The following MTUS2 variants were observed in gnomAD, a reference collection of about 807,000 sequenced individuals.
The protein encoded by MTUS2 is microtubule-associated tumor suppressor candidate 2.
In MTUS2, 40 loss-of-function variants were observed where a neutral mutation model predicts 114.1. The ratio of observed to expected loss-of-function variants is 0.35; its 90% confidence interval spans 0.27 to 0.46. The LOEUF is 0.46. Among genes scored for constraint, MTUS2 ranks in the 20% least tolerant of loss-of-function variants. MTUS2 has a pLI of 1.00. For synonymous variants in MTUS2, 688 were observed against 672.0 expected, an observed-to-expected ratio of 1.02 and a Z score of -0.37; for missense variants, 1,679 against 1,705.4, an observed-to-expected ratio of 0.98 and a Z score of 0.27.
At chr13:29,189,116 G>T (rs1894343055) in intron 5 of MTUS2, among the ~76,000 whole-genome samples, 1 of 152,164 alleles carries the variant, frequency 6.6e-6, no homozygotes, top group Non-Finnish European at 1.5e-5. Flanking sequence ...TCCTAGAATT[G>T]CCAGAGACCC....
intron 8 of MTUS2, among the ~76,000 whole-genome samples, chr13:29,427,721 T>C (rs1566194254): frequency 6.6e-6 from 1 of 152,214 alleles, no homozygotes; most frequent in Non-Finnish European, 1.5e-5. Context: ...TAAAATCATC[T>C]AGTTCTAACA....
In MTUS2 at chr13:28,885,353, A is replaced by G. The variant is rs926246890; in HGVS notation, c.-243+45503A>G. ...TACTTCTGTGGATAAAGGGAAGGAA[A>G]AGAAGCTGACACTGATTGTCAACAT... On this transcript the variant is annotated intron_variant, in intron 2 of 15. Coordinates refer to ENST00000612955, the MANE Select transcript of MTUS2 (RefSeq NM_001033602.4). Among the ~76,000 whole-genome samples the G allele has an allele frequency of 6.6e-5, 10 of 152,176 alleles. No individual in the cohort carries two copies. The East Asian group carries it at 1.7e-3, about 26-fold the overall frequency.
chr13:29,502,971 A>G (rs1423158206), intron 15 of MTUS2, 22 bp from the exon 16 acceptor site: 1 of 1,611,162 alleles, frequency 6.2e-7, no homozygotes, highest in East Asian at 2.2e-5. Context: ...ATTGCTACTT[A>G]TTTGTCATTG....
chr13:29,421,348 C>T (rs1199070132), intron 8 of MTUS2, among the ~76,000 whole-genome samples: 4 of 152,178 alleles, frequency 2.6e-5, no homozygotes, highest in Non-Finnish European at 5.9e-5. Flanking sequence ...GATGGAGGAA[C>T]CCAAATAAAC....
At chr13:29,078,382 T>C (rs112670520) in intron 4 of MTUS2, among the ~76,000 whole-genome samples, 3 of 152,182 alleles carry the variant, frequency 2.0e-5, no homozygotes. Flanking sequence ...ACAGGCCCTT[T>C]GAAAGTGAAG....
chr13:28,868,825 T>C (rs1196142881), intron 2 of MTUS2, among the ~76,000 whole-genome samples: 1 of 152,230 alleles, frequency 6.6e-6, no homozygotes, highest in African/African-American at 2.4e-5. Context: ...ATCTGCCATC[T>C]TTTAAACATT....
At chr13:29,419,557 C>G (rs543366808) in intron 8 of MTUS2, among the ~76,000 whole-genome samples, 1 of 152,320 alleles carries the variant, frequency 6.6e-6, no homozygotes, top group African/African-American at 2.4e-5. Flanking sequence ...TCAGGGCCTT[C>G]CCACATGTCT....
chr13:29,160,411 T>G (rs537733052), intron 5 of MTUS2, among the ~76,000 whole-genome samples: 95 of 152,346 alleles, frequency 6.2e-4, no homozygotes, highest in Middle Eastern at 3.4e-3. Flanking sequence ...AATCCATGAA[T>G]TATGTTATCA....
intron 1 of MTUS2, among the ~76,000 whole-genome samples, chr13:28,835,038 A>G (rs1874975031): frequency 6.6e-6 from 1 of 152,188 alleles, no homozygotes; most frequent in Non-Finnish European, 1.5e-5. Flanking sequence ...GAAGATATGG[A>G]AATGTTGGAA....
intron 2 of MTUS2, among the ~76,000 whole-genome samples, chr13:28,966,602 G>A (rs1883594496): frequency 6.6e-6 from 1 of 151,654 alleles, no homozygotes; most frequent in Non-Finnish European, 1.5e-5. Context: ...GTACATGTCT[G>A]CAGTCCCAGC....
At chr13:29,023,830 G>A (rs1461156633) in intron 2 of MTUS2, among the ~76,000 whole-genome samples, 1 of 152,158 alleles carries the variant, frequency 6.6e-6, no homozygotes, top group Admixed American at 6.5e-5. Flanking sequence ...TACTGCATAG[G>A]TGATGTGTGG....
rs573164780 is a variant in MTUS2 at position 29,494,194 on chromosome 13, A to C, written c.3579+1475A>C. Among the ~76,000 whole-genome samples the C allele has an allele frequency of 3.9e-5, 6 of 152,366 alleles. No homozygotes were observed. The South Asian group carries it at 1.0e-3, about 26-fold the overall frequency. On this transcript the variant is annotated intron_variant, in intron 12 of 15. Transcript: ENST00000612955. Reference sequence around the variant, plus strand: ...AAGGGAAATAACGTGTGAAAAGTGGATAGCCCTGGGTTGGCTTAGATCACT... The same window carrying C: ...AAGGGAAATAACGTGTGAAAAGTGGCTAGCCCTGGGTTGGCTTAGATCACT...
chr13:28,933,614 CG>C (rs1298429509), intron 2 of MTUS2, among the ~76,000 whole-genome samples: 8 of 152,260 alleles, frequency 5.3e-5, no homozygotes, highest in South Asian at 2.1e-4. Context: ...TATGATTGGG[CG>C]GGCCCACAGT....
At chr13:28,889,060 C>T (rs543919791) in intron 2 of MTUS2, among the ~76,000 whole-genome samples, 12 of 152,174 alleles carry the variant, frequency 7.9e-5, no homozygotes, top group Non-Finnish European at 8.8e-5. Flanking sequence ...AAGTAATTAG[C>T]ATTTACCGAG....
At chr13:29,357,315 G>A (rs1162881576) in intron 7 of MTUS2, among the ~76,000 whole-genome samples, 2 of 152,154 alleles carry the variant, frequency 1.3e-5, no homozygotes, top group Admixed American at 1.3e-4. Flanking sequence ...CAAGCTCAGA[G>A]GTGACTCTCT....
intron 8 of MTUS2, among the ~76,000 whole-genome samples, chr13:29,361,966 G>T (rs954461158): frequency 1.3e-5 from 2 of 152,196 alleles, no homozygotes; most frequent in Non-Finnish European, 2.9e-5. Context: ...CCCCTATCCA[G>T]TGGTGAGACC....
intron 2 of MTUS2, among the ~76,000 whole-genome samples, chr13:28,960,736 G>C (rs982114085): frequency 1.2e-4 from 18 of 152,252 alleles, no homozygotes; most frequent in Middle Eastern, 3.4e-3. Context: ...GATGGGTATG[G>C]GGTTTTATAT....
intron 1 of MTUS2, among the ~76,000 whole-genome samples, chr13:28,831,191 ATATC>A (rs1367473937): frequency 6.6e-6 from 1 of 152,188 alleles, no homozygotes; most frequent in Admixed American, 6.5e-5. Flanking sequence ...ATATTGAAAA[ATATC>A]TATTTAACAC....
chr13:29,165,146 C>G (rs1045025664), intron 5 of MTUS2, among the ~76,000 whole-genome samples: 3 of 152,274 alleles, frequency 2.0e-5, no homozygotes, highest in African/African-American at 7.2e-5. Flanking sequence ...CCCTCACTCT[C>G]TTCACTGAAA....
Sources: allele counts gnomAD v4.1 joint callset (sites outside exome capture counted in the v4.1 genomes callset), GRCh38; gene constraint gnomAD v4.1.1; transcripts MANE v1.5; gene names NCBI Gene and HGNC (gene_info 2026-07-23, HGNC 2026-07-21).